DTWD2: variants seen among roughly 807,000 people sequenced by gnomAD.
DTWD2 encodes the protein tRNA-uridine aminocarboxypropyltransferase 2.
A neutral mutation model predicts 31.8 loss-of-function variants in DTWD2; 39 were observed. That is an observed-to-expected ratio of 1.22 (90% confidence interval 0.95 to 1.60). The LOEUF is 1.60. DTWD2 is among the 40% of genes most tolerant of loss of function. DTWD2 has a pLI of 0.00. For missense variants in DTWD2, 515 were observed against 381.5 expected (o/e 1.35, Z -2.92); for synonymous variants, 180 against 142.8 (o/e 1.26, Z -1.86).
intron 4 of DTWD2, among the ~76,000 whole-genome samples, chr5:118,895,065 A>G (rs1753052679): frequency 3.3e-5 from 5 of 152,204 alleles, no homozygotes; most frequent in Admixed American, 3.3e-4. Context: ...GAAAAAGTCA[A>G]GTCAAATTAG....
intron 4 of DTWD2, among the ~76,000 whole-genome samples, chr5:118,921,947 C>T (rs1463443928): frequency 6.6e-6 from 1 of 152,216 alleles, no homozygotes; most frequent in African/African-American, 2.4e-5. Flanking sequence ...GTGTTTTACC[C>T]AATGAGTGCT....
intron 4 of DTWD2, among the ~76,000 whole-genome samples, chr5:118,887,618 C>T (rs1226346616): frequency 6.6e-6 from 1 of 152,086 alleles, no homozygotes; most frequent in South Asian, 2.1e-4. Flanking sequence ...GTTTGGTTGG[C>T]TGGCGTTTTG....
intron 4 of DTWD2, among the ~76,000 whole-genome samples, chr5:118,919,796 T>G (rs753177744): frequency 2.4e-4 from 36 of 152,318 alleles, no homozygotes; most frequent in Non-Finnish European, 4.7e-4. Flanking sequence ...AAAGATCATC[T>G]CATATTTATA....
chr5:118,913,755 T>C (rs1753512990), intron 4 of DTWD2, among the ~76,000 whole-genome samples: 1 of 151,954 alleles, frequency 6.6e-6, no homozygotes, highest in Non-Finnish European at 1.5e-5. Flanking sequence ...AAACACAATT[T>C]AAATAACTGG....
chr5:118,983,122 C>T (rs1386226086), intron 1 of DTWD2, among the ~76,000 whole-genome samples: 6 of 152,186 alleles, frequency 3.9e-5, no homozygotes, highest in African/African-American at 1.4e-4. Context: ...CTCAGTCAGA[C>T]AACCACAATG....
intron 1 of DTWD2, among the ~76,000 whole-genome samples, chr5:118,985,490 T>TTATATATATATATA (rs56393420): frequency 0.086 from 8,110 of 94,470 alleles, 530 homozygotes; most frequent in Non-Finnish European, 0.12. Context: ...ATGTGCATTT[T>TTATATATATATATA]TATATATATA....
intron 4 of DTWD2, among the ~76,000 whole-genome samples, chr5:118,864,274 G>A (rs952267437): frequency 2.0e-5 from 3 of 150,162 alleles, no homozygotes; most frequent in African/African-American, 7.5e-5. Flanking sequence ...GTAAACTATT[G>A]CAAGGACAAA....
intron 4 of DTWD2, among the ~76,000 whole-genome samples, chr5:118,875,968 G>A (rs893425706): frequency 1.3e-5 from 2 of 151,922 alleles, no homozygotes; most frequent in African/African-American, 2.4e-5. Flanking sequence ...AACACTCTTC[G>A]GCAAATGCAA....
chr5:118,939,114 T>C (rs1019683699), intron 3 of DTWD2, 82 bp downstream of exon 3: 12 of 1,351,542 alleles, frequency 8.9e-6, no homozygotes, highest in Non-Finnish European at 1.2e-5. Flanking sequence ...ATGAATAAGC[T>C]GAAAGAAATA....
At chr5:118,886,462 T>C (rs1421537954) in intron 4 of DTWD2, among the ~76,000 whole-genome samples, 1 of 152,044 alleles carries the variant, frequency 6.6e-6, no homozygotes, top group African/African-American at 2.4e-5. Flanking sequence ...AACAAGGAAA[T>C]CAAGTAGAGG....
chr5:118,951,755 G>A (rs1459474239), intron 1 of DTWD2, among the ~76,000 whole-genome samples: 5 of 152,086 alleles, frequency 3.3e-5, no homozygotes, highest in African/African-American at 1.2e-4. Context: ...GAAAAGAGAG[G>A]GTAGAGACAT....
chr5:118,979,697 C>T (rs956537759), intron 1 of DTWD2, among the ~76,000 whole-genome samples: 6 of 152,198 alleles, frequency 3.9e-5, no homozygotes, highest in African/African-American at 1.4e-4. Context: ...ATGTCCTTTG[C>T]AGGGACATGG....
chr5:118,966,631 A>G (rs1226829843), intron 1 of DTWD2, among the ~76,000 whole-genome samples: 1 of 152,212 alleles, frequency 6.6e-6, no homozygotes, highest in African/African-American at 2.4e-5. Context: ...GGAAAAGTTG[A>G]TAGGAATGAT....
chr5:118,844,965 C>G (rs73236926), intron 5 of DTWD2, among the ~76,000 whole-genome samples: 5 of 151,984 alleles, frequency 3.3e-5, no homozygotes, highest in African/African-American at 1.2e-4. Flanking sequence ...GAGACTCCCC[C>G]CGCCTCTCCC....
intron 4 of DTWD2, among the ~76,000 whole-genome samples, chr5:118,923,525 TGCGCA>T (rs1251946256): frequency 6.6e-6 from 1 of 152,166 alleles, no homozygotes; most frequent in Non-Finnish European, 1.5e-5. Context: ...AGGGAGGCAC[TGCGCA>T]TGCGGGAAAC....
chr5:118,845,506 A>G (rs1751831141), intron 5 of DTWD2, among the ~76,000 whole-genome samples: 6 of 152,230 alleles, frequency 3.9e-5, no homozygotes, highest in Admixed American at 2.6e-4. Flanking sequence ...ATCTGTAATA[A>G]TAAGCAACTT....
chr5:118,988,304 T>G lies in DTWD2; in HGVS notation c.208A>C (p.Thr70Pro), dbSNP rs917218048. 228 of 1,523,208 alleles carry G rather than the reference T, an allele frequency of 1.5e-4. No homozygotes were observed. The highest frequency in any genetic ancestry group is 1.9e-4 in the Non-Finnish European group (217 of 1,139,874). The allele number at this position is 1,523,208 out of a possible 1,614,324, so 94.4% of individuals were successfully genotyped here. A position where few individuals can be genotyped will look rare whatever the true frequency, so the allele number is the denominator to read the frequency against. ...CAGCCCCGCGGTCACCTGCAGCGGGTGCACTCAGGCCTCCGCTCGGCCGGC... is the reference window on the plus strand; with the variant it reads ...CAGCCCCGCGGTCACCTGCAGCGGGGGCACTCAGGCCTCCGCTCGGCCGGC... ...VEPAERRPECTRCSRPQKVCL... is the reference protein window; with the variant it reads ...VEPAERRPECPRCSRPQKVCL... Residue 70 changes from threonine to proline, a missense_variant, in exon 1 of 6, where the codon ACC (threonine) becomes CCC (proline). Thr to Pro is a conservative substitution (Grantham distance 38). Transcript: ENST00000510708.
At chr5:118,965,290 C>G (rs1754811256) in intron 1 of DTWD2, among the ~76,000 whole-genome samples, 1 of 151,352 alleles carries the variant, frequency 6.6e-6, no homozygotes, top group African/African-American at 2.4e-5. Context: ...CCCGGCCAGC[C>G]TCCCCGTCCG....
intron 4 of DTWD2, among the ~76,000 whole-genome samples, chr5:118,921,549 GA>G (rs538531618): frequency 2.8e-4 from 42 of 149,438 alleles, no homozygotes; most frequent in African/African-American, 9.1e-4. Flanking sequence ...GAAAGAAAAA[GA>G]AAAAAAAAGT....
Sources: gnomAD v4.1 joint callset for allele counts (sites outside exome capture counted in the v4.1 genomes callset) on GRCh38, gnomAD v4.1.1 for gene constraint, MANE v1.5 for transcripts, NCBI Gene and HGNC (gene_info 2026-07-23, HGNC 2026-07-21) for gene names.